The following ZFHX3 variants were observed in gnomAD, a reference collection of about 807,000 sequenced individuals.
ZFHX3 encodes the protein zinc finger homeobox protein 3.
ZFHX3 carries 42 observed loss-of-function variants against 279.1 expected under a neutral mutation model. The ratio of observed to expected loss-of-function variants is 0.15; its 90% CI spans 0.12 to 0.19. The LOEUF (loss-of-function observed/expected upper bound fraction) is 0.19, where lower values mean the gene tolerates loss of function less well. Among genes scored for constraint, ZFHX3 ranks in the 10% least tolerant of loss-of-function variants. The pLI is 1.00. For synonymous variants in ZFHX3, 2,293 were observed against 1,957.8 expected, an observed-to-expected ratio of 1.17 and a Z score of -4.52; for missense variants, 4,981 against 4,754.0, an observed-to-expected ratio of 1.05 and a Z score of -1.40.
At chr16:73,497,458 C>A (rs1567501784) in intron 2 of ZFHX3, among the ~76,000 whole-genome samples, 2 of 152,196 alleles carry the variant, frequency 1.3e-5, no homozygotes, top group African/African-American at 2.4e-5. Flanking sequence ...TGCTTGAGCC[C>A]AGGAGTTTGA....
intron 1 of ZFHX3, among the ~76,000 whole-genome samples, chr16:73,859,290 T>C (rs929175588): frequency 5.9e-5 from 9 of 152,244 alleles, no homozygotes; most frequent in African/African-American, 9.6e-5. Flanking sequence ...AATCTTGTTA[T>C]GTTACCCGGC....
chr16:73,846,956 T>C (rs150755707), intron 1 of ZFHX3, among the ~76,000 whole-genome samples: 139 of 152,292 alleles, frequency 9.1e-4, no homozygotes, highest in Middle Eastern at 3.4e-3. Flanking sequence ...TTTGTTTATA[T>C]ATTGTAGGTC....
chr16:73,645,797 G>A (rs1012817783), intron 2 of ZFHX3, among the ~76,000 whole-genome samples: 1 of 152,164 alleles, frequency 6.6e-6, no homozygotes, highest in African/African-American at 2.4e-5. Flanking sequence ...TAAATGACAT[G>A]ACTTTTGGGG....
intron 5 of ZFHX3, among the ~76,000 whole-genome samples, chr16:73,233,276 A>G (rs2012837189): frequency 6.6e-6 from 1 of 152,292 alleles, no homozygotes; most frequent in Admixed American, 6.5e-5. Flanking sequence ...AGTCCAGAGG[A>G]AAGAGCTACG....
intron 3 of ZFHX3, among the ~76,000 whole-genome samples, chr16:72,930,864 A>T (rs190948975): frequency 6.6e-6 from 1 of 152,356 alleles, no homozygotes; most frequent in African/African-American, 2.4e-5. Context: ...ATGTGGTACA[A>T]GGTGCCATCA....
At chr16:73,340,019 A>G (rs2016000829) in intron 3 of ZFHX3, among the ~76,000 whole-genome samples, 1 of 152,252 alleles carries the variant, frequency 6.6e-6, no homozygotes, top group Non-Finnish European at 1.5e-5. Flanking sequence ...TTGCATAAAA[A>G]GAGAGAGCTC....
intron 7 of ZFHX3, among the ~76,000 whole-genome samples, chr16:73,119,191 A>C (rs12149385): frequency 0.45 from 67,719 of 151,748 alleles, 16,761 homozygotes; most frequent in Middle Eastern, 0.59. Flanking sequence ...GCAGCCTCAA[A>C]CTTCTGTGCT....
intron 5 of ZFHX3, among the ~76,000 whole-genome samples, chr16:73,177,343 G>C (rs554333595): frequency 6.6e-6 from 1 of 152,294 alleles, no homozygotes; most frequent in South Asian, 2.1e-4. Context: ...GAACTTTCTA[G>C]AATTTTATAG....
At chr16:73,640,987 T>C (rs2052568173) in intron 2 of ZFHX3, among the ~76,000 whole-genome samples, 1 of 152,190 alleles carries the variant, frequency 6.6e-6, no homozygotes, top group African/African-American at 2.4e-5. Flanking sequence ...GGAACTAGAA[T>C]GGCATCGATC....
In ZFHX3 at chr16:73,709,066, G is replaced by T. The variant is rs530938961; in HGVS notation, c.-1607-28826C>A. On this transcript the variant is annotated intron_variant, in intron 1 of 17. Transcript: ENST00000641206. Reference sequence around the variant, plus strand: ...CTTCTTCGGTACCTATCTCCACAAGGTTGTTTTGGGTTAATACACACTCCC... The same window carrying T: ...CTTCTTCGGTACCTATCTCCACAAGTTTGTTTTGGGTTAATACACACTCCC... Among the ~76,000 whole-genome samples, 221 of 152,174 alleles carry T rather than the reference G, an allele frequency of 1.5e-3. 1 individual carries two copies. Among genetic ancestry groups the T allele is most frequent in the Non-Finnish European group, 2.2e-3 (151 of 68,024 alleles).
At chr16:73,266,919 G>T (rs186094242) in intron 4 of ZFHX3, among the ~76,000 whole-genome samples, 3 of 152,284 alleles carry the variant, frequency 2.0e-5, no homozygotes, top group Middle Eastern at 3.4e-3. Flanking sequence ...CCAGTTTTGC[G>T]TATGTCTTTA....
chr16:73,357,325 C>G (rs1033166999), intron 3 of ZFHX3, among the ~76,000 whole-genome samples: 1 of 150,864 alleles, frequency 6.6e-6, no homozygotes. Context: ...AAATTAATTA[C>G]AAAAAATAAC....
chr16:73,814,273 A>C (rs367905730), intron 1 of ZFHX3, among the ~76,000 whole-genome samples: 35 of 152,274 alleles, frequency 2.3e-4, no homozygotes, highest in African/African-American at 7.9e-4. Context: ...GTAGCCAGAC[A>C]GATTCTCTTT....
chr16:73,104,132 G>C (rs1280867838), intron 7 of ZFHX3, among the ~76,000 whole-genome samples: 1 of 151,932 alleles, frequency 6.6e-6, no homozygotes, highest in African/African-American at 2.4e-5. Flanking sequence ...CAGATGGACA[G>C]GCATTGAGGC....
intron 7 of ZFHX3, among the ~76,000 whole-genome samples, chr16:73,110,841 G>A (rs1355820623): frequency 1.3e-5 from 2 of 152,148 alleles, no homozygotes; most frequent in Non-Finnish European, 2.9e-5. Context: ...TGGGATTATA[G>A]GTGTGAACCA....
rs535371406 is a variant in ZFHX3, at chr16:73,687,846, CAAAAA to C, written c.-1607-7611_-1607-7607del. The stretch of plus-strand genomic sequence containing the variant: ...CTGGTGACAGAGCAAGACTCTGTCT[CAAAAA>C]AAAAAAAAAAAAAAAAAACAGATTT... On this transcript the variant is annotated intron_variant, in intron 1 of 17. Coordinates refer to the ZFHX3 transcript ENST00000641206. Among the ~76,000 whole-genome samples, 346 of 63,928 alleles carry C rather than the reference CAAAAA, an allele frequency of 5.4e-3. 1 individual carries two copies. Among genetic ancestry groups the C allele is most frequent in the African/African-American group, 0.017 (316 of 18,266 alleles). The allele number at this position is 63,928 out of a possible 152,430, so 41.9% of individuals were successfully genotyped here.
intron 4 of ZFHX3, among the ~76,000 whole-genome samples, chr16:72,875,323 C>T (rs1052048278): frequency 4.6e-5 from 7 of 152,218 alleles, no homozygotes; most frequent in Admixed American, 1.3e-4. Flanking sequence ...CCTTTCCCAG[C>T]GGGGAGACCT....
intron 1 of ZFHX3, among the ~76,000 whole-genome samples, chr16:73,796,206 G>C (rs1206817688): frequency 6.6e-6 from 1 of 152,124 alleles, no homozygotes; most frequent in African/African-American, 2.4e-5. Flanking sequence ...ATAGCACAAA[G>C]TATTACCCAA....
At chr16:73,546,671 T>TTGCTGCTGCTGCTGC (rs57427757) in intron 2 of ZFHX3, among the ~76,000 whole-genome samples, 131 of 143,522 alleles carry the variant, frequency 9.1e-4, no homozygotes, top group East Asian at 2.3e-3. Flanking sequence ...GGTGCTGCTG[T>TTGCTGCTGCTGCTGC]TGCTGCTGCT....
Sources: allele counts gnomAD v4.1 joint callset (sites outside exome capture counted in the v4.1 genomes callset), GRCh38; gene constraint gnomAD v4.1.1; transcripts MANE v1.5; gene names NCBI Gene and HGNC (gene_info 2026-07-23, HGNC 2026-07-21).